MAPK4: variants seen among roughly 807,000 people sequenced by gnomAD.
MAPK4 encodes Erk3-related.
MAPK4 carries 22 observed loss-of-function variants against 47.7 expected under a neutral mutation model. The observed-to-expected ratio is 0.46, with a 90% CI of 0.33 to 0.66. The LOEUF (loss-of-function observed/expected upper bound fraction) is 0.66, where lower values mean the gene tolerates loss of function less well. MAPK4 is among the 30% of genes least tolerant of loss of function. The probability of loss-of-function intolerance (pLI) is 0.02; values close to 1 mark genes in which losing one functional copy is unlikely to be tolerated. For missense variants in MAPK4, 736 were observed against 831.7 expected, an observed-to-expected ratio of 0.88 and a Z score of 1.42; for synonymous variants, 390 against 365.7, an observed-to-expected ratio of 1.07 and a Z score of -0.76.
rs145755220 is a variant in MAPK4 at position 50,648,934 on chromosome 18, G to C, written c.-870-14155G>C. On this transcript the variant is annotated intron_variant, in intron 1 of 5. Coordinates refer to ENST00000400384, the MANE Select transcript of MAPK4 (RefSeq NM_002747.4). ...GAGAACCTTAGGTCCTTGGAGCCTG[G>C]ATGAGGGTAGACTTGAAGCTGGGAC... 2.4e-4 allele frequency among the ~76,000 whole-genome samples: 37 copies of C among 152,316 alleles called. No individual in the cohort carries two copies. The Middle Eastern group carries it at 0.01, about 42-fold the overall frequency.
intron 2 of MAPK4, among the ~76,000 whole-genome samples, chr18:50,667,739 C>G (rs1484339056): frequency 6.6e-6 from 1 of 152,178 alleles, no homozygotes; most frequent in African/African-American, 2.4e-5. Flanking sequence ...AACATTTTTC[C>G]TCTGCTCTCA....
intron 1 of MAPK4, among the ~76,000 whole-genome samples, chr18:50,592,892 C>T (rs1265426112): frequency 4.6e-5 from 7 of 152,182 alleles, no homozygotes; most frequent in African/African-American, 7.2e-5. Flanking sequence ...CTTAGCATCT[C>T]GCAGCATTGT....
chr18:50,664,323 C>G lies in MAPK4; in HGVS notation c.365C>G (p.Ala122Gly). Residue 122 changes from alanine to glycine, a missense_variant, in exon 2 of 6, where the codon GCA becomes GGA. Physicochemically the swap from Ala to Gly is moderately conservative, Grantham distance 60. This residue lies in a region of MAPK4 where 327 missense variants were observed against 395.4 expected (regional missense o/e 0.83). Coordinates refer to ENST00000400384, the MANE Select transcript of MAPK4 (RefSeq NM_002747.4). This position sits in a 1 kb window ranked among gnomAD's most constrained non-coding sequence, Gnocchi z 6.0. ...LARLLEQGTL[A>G]EEHAKLFMYQ... Reference sequence around the variant, plus strand: ...CGCCTGCTGGAGCAGGGCACGCTGGCAGAAGAGCATGCCAAGCTGTTCATG... The same window carrying G: ...CGCCTGCTGGAGCAGGGCACGCTGGGAGAAGAGCATGCCAAGCTGTTCATG... 1.2e-6 allele frequency: 2 copies of G among 1,613,676 alleles called. No individual in the cohort carries two copies. Among genetic ancestry groups the G allele is most frequent in the Non-Finnish European group, 1.7e-6 (2 of 1,179,944 alleles).
rs1911161522 is a variant in MAPK4 at position 50,725,855 on chromosome 18, A to C, written c.854-107A>C. 3 of 943,706 alleles carry C rather than the reference A, an allele frequency of 3.2e-6. No individual in the cohort carries two copies. The South Asian group carries it at 4.2e-5, about 13-fold the overall frequency. The allele number at this position is 943,706 out of a possible 1,614,324, so 58.5% of individuals were successfully genotyped here. A position where few individuals can be genotyped will look rare whatever the true frequency, so the allele number is the denominator to read the frequency against. On this transcript the variant is annotated intron_variant, in intron 4 of 5. Coordinates refer to ENST00000400384, the MANE Select transcript of MAPK4 (RefSeq NM_002747.4). Reference sequence around the variant, plus strand: ...AAAATGGCTAAAAACCTTTTAACAAATGCAGAAGCACAGACACCAGCACAG... The same window carrying C: ...AAAATGGCTAAAAACCTTTTAACAACTGCAGAAGCACAGACACCAGCACAG...
intron 1 of MAPK4, among the ~76,000 whole-genome samples, chr18:50,616,695 C>T (rs1449966027): frequency 6.6e-6 from 1 of 152,200 alleles, no homozygotes; most frequent in Non-Finnish European, 1.5e-5. Context: ...TCCAAGAGTC[C>T]AACAGCTGAA....
intron 1 of MAPK4, among the ~76,000 whole-genome samples, chr18:50,649,482 A>T (rs2144204115): frequency 6.6e-6 from 1 of 152,248 alleles, no homozygotes; most frequent in South Asian, 2.1e-4. Flanking sequence ...GGTTTCCTCC[A>T]GGTGGGAAGT....
intron 1 of MAPK4, among the ~76,000 whole-genome samples, chr18:50,589,174 G>C (rs2042413791): frequency 6.6e-6 from 1 of 152,032 alleles, no homozygotes; most frequent in African/African-American, 2.4e-5. Context: ...CTCCTTTCTG[G>C]GACTGCCCAT....
rs766804571 is a variant in MAPK4, at chr18:50,729,327, C to T, written c.1237C>T (p.His413Tyr). ...SSSERFLEQS[H>Y]SSMERAFEAD... Reference sequence around the variant, plus strand: ...CTCCGAGCGCTTCCTAGAGCAGTCGCACTCGTCCATGGAGCGCGCCTTCGA... The same window carrying T: ...CTCCGAGCGCTTCCTAGAGCAGTCGTACTCGTCCATGGAGCGCGCCTTCGA... Residue 413 changes from histidine (H) to tyrosine (Y), a missense_variant, in exon 6 of 6, where the codon CAC becomes TAC. Coordinates refer to ENST00000400384, the MANE Select transcript of MAPK4 (RefSeq NM_002747.4). 2.4e-5 allele frequency: 38 copies of T among 1,597,676 alleles called. No individual in the cohort carries two copies. Among genetic ancestry groups the T allele is most frequent in the African/African-American group, 5.4e-5 (4 of 74,676 alleles).
At chr18:50,725,165 A>T (rs1210082645) in intron 4 of MAPK4, among the ~76,000 whole-genome samples, 1 of 152,158 alleles carries the variant, frequency 6.6e-6, no homozygotes, top group African/African-American at 2.4e-5. Context: ...CTCCCCCTTG[A>T]TCCAGACATG....
At chr18:50,569,561 A>C (rs2149357752) in intron 1 of MAPK4, among the ~76,000 whole-genome samples, 1 of 152,322 alleles carries the variant, frequency 6.6e-6, no homozygotes, top group Non-Finnish European at 1.5e-5. Flanking sequence ...AGGGTGTCCA[A>C]GGGAGACAAT....
At chr18:50,672,240 C>T (rs1031191808) in intron 2 of MAPK4, among the ~76,000 whole-genome samples, 7 of 152,076 alleles carry the variant, frequency 4.6e-5, no homozygotes, top group African/African-American at 1.2e-4. Flanking sequence ...CAGCCATCCG[C>T]GGAGGCTGGA....
At chr18:50,625,696 G>T (rs547321375) in intron 1 of MAPK4, among the ~76,000 whole-genome samples, 1 of 152,254 alleles carries the variant, frequency 6.6e-6, no homozygotes, top group East Asian at 1.9e-4. Flanking sequence ...CTGGACCCAG[G>T]ATTGGTGAGG....
At chr18:50,724,963 A>G (rs1301140638) in intron 4 of MAPK4, among the ~76,000 whole-genome samples, 1 of 152,232 alleles carries the variant, frequency 6.6e-6, no homozygotes, top group Non-Finnish European at 1.5e-5. Flanking sequence ...TTGCGCTGAG[A>G]TAACCCAGGG....
chr18:50,728,537 C>T (rs1911327792), intron 5 of MAPK4, among the ~76,000 whole-genome samples: 1 of 152,160 alleles, frequency 6.6e-6, no homozygotes, highest in Non-Finnish European at 1.5e-5. Context: ...CAGGTCCCCA[C>T]CCTAGACCTA....
At chr18:50,690,151 C>T (rs369417727) in intron 2 of MAPK4, among the ~76,000 whole-genome samples, 26 of 152,296 alleles carry the variant, frequency 1.7e-4, no homozygotes, top group African/African-American at 6.0e-4. Flanking sequence ...GCAGGACTCC[C>T]TTCACCTGCC....
chr18:50,685,846 C>G (rs1908852037), intron 2 of MAPK4, among the ~76,000 whole-genome samples: 1 of 152,136 alleles, frequency 6.6e-6, no homozygotes, highest in Admixed American at 6.5e-5. Flanking sequence ...GTACACGCAG[C>G]TCTCTGGAGC....
intron 1 of MAPK4, among the ~76,000 whole-genome samples, chr18:50,586,356 A>T (rs1469111735): frequency 6.6e-6 from 1 of 151,884 alleles, no homozygotes. Flanking sequence ...AATGCAAATT[A>T]TAAGGGGGTA....
chr18:50,574,242 T>C (rs2042275385), intron 1 of MAPK4, among the ~76,000 whole-genome samples: 1 of 152,200 alleles, frequency 6.6e-6, no homozygotes, highest in Non-Finnish European at 1.5e-5. Context: ...GTCTAGTACA[T>C]TATGGCACAT....
At chr18:50,609,636 C>T (rs1945600257) in intron 1 of MAPK4, among the ~76,000 whole-genome samples, 1 of 152,030 alleles carries the variant, frequency 6.6e-6, no homozygotes. Flanking sequence ...ATTCTAAGTG[C>T]TTGATTGTAT....
Sources: allele counts gnomAD v4.1 joint callset (sites outside exome capture counted in the v4.1 genomes callset), GRCh38; gene constraint gnomAD v4.1.1; regional missense constraint gnomAD v4.1.1; non-coding constraint Gnocchi (gnomAD v3.1); transcripts MANE v1.5; gene names NCBI Gene and HGNC (gene_info 2026-07-23, HGNC 2026-07-21).